MAP2K6: variants seen among roughly 807,000 people sequenced by gnomAD.
MAP2K6 encodes dual specificity mitogen-activated protein kinase kinase 6.
In MAP2K6, 16 loss-of-function variants were observed where a neutral mutation model predicts 53.7. That is an observed-to-expected ratio of 0.30 (90% CI 0.20 to 0.45). MAP2K6 has a LOEUF of 0.45. Ranked by LOEUF, MAP2K6 falls within the 20% of genes least tolerant of loss-of-function variation. The pLI, the probability that MAP2K6 is intolerant of heterozygous loss-of-function variation, is 1.00. For synonymous variants in MAP2K6, 132 were observed against 143.1 expected, an observed-to-expected ratio of 0.92 and a Z score of 0.55; for missense variants, 204 against 411.9, an observed-to-expected ratio of 0.50 and a Z score of 4.37.
In MAP2K6 at chr17:69,542,600, T is replaced by A. The variant is rs1911692185; in HGVS notation, c.*847T>A. ...CCACCTACCTATTCATCTACCTGTG[T>A]GTATGTGTGTGTTTGTGTGTCTATT... is the stretch of plus-strand genomic sequence containing the variant. On this transcript the variant is annotated 3_prime_UTR_variant, in exon 12 of 12. Coordinates refer to ENST00000590474, the MANE Select transcript of MAP2K6 (RefSeq NM_002758.4). The A allele has an allele frequency of 6.6e-6, 1 of 152,226 alleles. No individual in the cohort carries two copies. Among genetic ancestry groups the A allele is most frequent in the South Asian group, 2.1e-4 (1 of 4,834 alleles). 9.4% of individuals were successfully genotyped at this position (152,226 alleles called of 1,614,324 possible). A position where few individuals can be genotyped will look rare whatever the true frequency, so the allele number is the denominator to read the frequency against.
chr17:69,520,612 G>A, intron 6 of MAP2K6: 1 of 500,470 alleles, frequency 2.0e-6, no homozygotes, highest in Non-Finnish European at 3.5e-6. Context: ...ATGACTCTAA[G>A]TGCTGCATTC....
At chr17:69,447,600 C>T (rs1484496830) in intron 1 of MAP2K6, among the ~76,000 whole-genome samples, 1 of 152,154 alleles carries the variant, frequency 6.6e-6, no homozygotes. Flanking sequence ...CCCATCTTGG[C>T]CTCCCAAAGT....
chr17:69,500,342 A>C (rs1567841358), intron 1 of MAP2K6, among the ~76,000 whole-genome samples: 3 of 148,690 alleles, frequency 2.0e-5, no homozygotes. Context: ...GCTACTCGGG[A>C]GGCTGAGGGC....
chr17:69,434,556 G>A (rs1906576639), intron 1 of MAP2K6: 1 of 152,190 alleles, frequency 6.6e-6, no homozygotes, highest in African/African-American at 2.4e-5. Context: ...CTCTGAAACA[G>A]GAGAGTGCTC....
intron 1 of MAP2K6, among the ~76,000 whole-genome samples, chr17:69,437,358 C>A (rs1598261412): frequency 6.6e-6 from 1 of 151,902 alleles, no homozygotes; most frequent in East Asian, 1.9e-4. Flanking sequence ...GGTTTTCATC[C>A]TCATCGTCTT....
chr17:69,489,977 A>ATTTC (rs1380525246), intron 1 of MAP2K6, among the ~76,000 whole-genome samples: 17 of 152,372 alleles, frequency 1.1e-4, no homozygotes, highest in African/African-American at 4.1e-4. Flanking sequence ...TAGACATTGC[A>ATTTC]GAAACAGCCA....
chr17:69,437,595 C>A (rs967557723), intron 1 of MAP2K6, among the ~76,000 whole-genome samples: 1 of 152,156 alleles, frequency 6.6e-6, no homozygotes, highest in African/African-American at 2.4e-5. Flanking sequence ...ATGCAAAATT[C>A]ACCATTTTAA....
chr17:69,471,126 AAATG>A (rs1907968888), intron 1 of MAP2K6, among the ~76,000 whole-genome samples: 1 of 152,212 alleles, frequency 6.6e-6, no homozygotes, highest in Admixed American at 6.5e-5. Context: ...GGTAGGAAAA[AAATG>A]AACTGTATTA....
intron 1 of MAP2K6, among the ~76,000 whole-genome samples, chr17:69,469,599 G>A (rs1219587493): frequency 3.3e-5 from 5 of 151,826 alleles, no homozygotes; most frequent in South Asian, 4.2e-4. Flanking sequence ...TGGTTTCTAC[G>A]AAAAATACAA....
intron 1 of MAP2K6, among the ~76,000 whole-genome samples, chr17:69,436,979 C>T (rs1444050315): frequency 6.6e-6 from 1 of 152,074 alleles, no homozygotes; most frequent in Admixed American, 6.6e-5. Flanking sequence ...TTGCTGCCAC[C>T]AGGCCCGGCT....
At chr17:69,415,459 G>T (rs2145120648) in intron 1 of MAP2K6, among the ~76,000 whole-genome samples, 1 of 152,288 alleles carries the variant, frequency 6.6e-6, no homozygotes, top group East Asian at 1.9e-4. Flanking sequence ...ATTCTTTGGG[G>T]GAAATAGACC....
rs2251855 is a variant in MAP2K6 at position 69,516,914 on chromosome 17, A to G, written c.132+11A>G. The G allele has an allele frequency of 0.42, 654,547 of 1,544,862 alleles. 142,957 individuals are homozygous for G. The highest frequency in any genetic ancestry group is 0.46 in the South Asian group (40,737 of 88,264). ...TCTATTGGAAATCAGGTAAGAAAAA[A>G]TCATGTCTGCCACCTAATACGTTGG... On this transcript the variant is annotated intron_variant, in intron 3 of 11. Transcript: ENST00000590474.
intron 1 of MAP2K6, among the ~76,000 whole-genome samples, chr17:69,501,347 C>T (rs1909165281): frequency 6.6e-6 from 1 of 152,156 alleles, no homozygotes; most frequent in African/African-American, 2.4e-5. Flanking sequence ...ACATAATCTT[C>T]TGTTTTATGT....
chr17:69,520,236 CT>C, intron 5 of MAP2K6, 33 bp from the exon 6 acceptor site: 4 of 1,085,056 alleles, frequency 3.7e-6, no homozygotes, highest in Non-Finnish European at 5.5e-6. Context: ...CTTTTTCATC[CT>C]TTTAAACAAT....
intron 1 of MAP2K6, among the ~76,000 whole-genome samples, chr17:69,430,007 G>A (rs955016290): frequency 2.6e-5 from 4 of 152,148 alleles, no homozygotes; most frequent in African/African-American, 7.2e-5. Flanking sequence ...AGAATTAGAT[G>A]AGTCAATGTG....
intron 1 of MAP2K6, among the ~76,000 whole-genome samples, chr17:69,423,972 A>G (rs1906179786): frequency 6.6e-6 from 1 of 152,168 alleles, no homozygotes; most frequent in Non-Finnish European, 1.5e-5. Flanking sequence ...CTCTCCTGCT[A>G]CCACCATTGC....
chr17:69,493,391 G>A (rs1422209926), intron 1 of MAP2K6, among the ~76,000 whole-genome samples: 1 of 152,068 alleles, frequency 6.6e-6, no homozygotes, highest in African/African-American at 2.4e-5. Flanking sequence ...ATAATAACCT[G>A]TTATAAAAAC....
At chr17:69,533,748 T>A (rs1911211095) in intron 10 of MAP2K6, among the ~76,000 whole-genome samples, 1 of 151,980 alleles carries the variant, frequency 6.6e-6, no homozygotes, top group Admixed American at 6.6e-5. Context: ...TTTTTTTTTT[T>A]TTTTTACCAG....
At chr17:69,518,779 G>C (rs1910308157) in intron 4 of MAP2K6, among the ~76,000 whole-genome samples, 1 of 152,138 alleles carries the variant, frequency 6.6e-6, no homozygotes, top group Non-Finnish European at 1.5e-5. Context: ...TTTCTGTAAG[G>C]CTACATTTCC....
Sources: allele counts gnomAD v4.1 joint callset (sites outside exome capture counted in the v4.1 genomes callset), GRCh38; gene constraint gnomAD v4.1.1; transcripts MANE v1.5; gene names NCBI Gene and HGNC (gene_info 2026-07-23, HGNC 2026-07-21).